Variants in PARN observed in about 807,000 individuals in gnomAD.
The protein encoded by PARN is poly(A)-specific ribonuclease.
In PARN, 71 loss-of-function variants were observed where a neutral mutation model predicts 102.8. The ratio of observed to expected loss-of-function variants is 0.69; its 90% confidence interval spans 0.57 to 0.84. The LOEUF is 0.84. PARN is among the 40% of genes least tolerant of loss of function. PARN has a pLI of 0.00. For synonymous variants in PARN, 261 were observed against 252.9 expected (o/e 1.03, Z -0.30); for missense variants, 782 against 760.9 (o/e 1.03, Z -0.33).
At chr16:14,594,681 A>G (rs1004161265) in intron 12 of PARN, among the ~76,000 whole-genome samples, 1 of 152,144 alleles carries the variant, frequency 6.6e-6, no homozygotes, top group African/African-American at 2.4e-5. Context: ...GCACCACTGC[A>G]CTCCAGCCTG....
chr16:14,601,213 G>A (rs1390896246), intron 11 of PARN, among the ~76,000 whole-genome samples: 1 of 152,100 alleles, frequency 6.6e-6, no homozygotes, highest in Non-Finnish European at 1.5e-5. Context: ...CAACCCAGGT[G>A]TCCACAAACA....
At chr16:14,532,172 T>C (rs973858250) in intron 21 of PARN, among the ~76,000 whole-genome samples, 3 of 149,390 alleles carry the variant, frequency 2.0e-5, no homozygotes, top group African/African-American at 7.3e-5. Flanking sequence ...ATTCAAACTC[T>C]GATTTTTTTT....
intron 18 of PARN, among the ~76,000 whole-genome samples, chr16:14,576,607 T>C (rs1469228541): frequency 2.0e-5 from 3 of 152,174 alleles, no homozygotes; most frequent in Admixed American, 1.3e-4. Flanking sequence ...TAACATTAAG[T>C]TTGGTTTTCA....
chr16:14,502,626 AG>A (rs1265897197), intron 21 of PARN, among the ~76,000 whole-genome samples: 1 of 152,260 alleles, frequency 6.6e-6, no homozygotes, highest in East Asian at 1.9e-4. Flanking sequence ...AGCCACATCA[AG>A]TACATTTGAA....
At chr16:14,579,559 G>C (rs1010005466) in intron 18 of PARN, among the ~76,000 whole-genome samples, 2 of 151,800 alleles carry the variant, frequency 1.3e-5, no homozygotes, top group Non-Finnish European at 2.9e-5. Context: ...AAAAGAGCAA[G>C]ACCGTGACTC....
chr16:14,615,172 G>A (rs1288772637), intron 6 of PARN, among the ~76,000 whole-genome samples: 3 of 152,114 alleles, frequency 2.0e-5, no homozygotes, highest in African/African-American at 7.2e-5. Context: ...TATCAACAAC[G>A]GCATGGGATG....
intron 12 of PARN, among the ~76,000 whole-genome samples, chr16:14,594,762 G>A (rs1970403167): frequency 6.6e-6 from 1 of 152,080 alleles, no homozygotes; most frequent in African/African-American, 2.4e-5. Flanking sequence ...ATAACCCAAA[G>A]GACCTTCAGT....
intron 21 of PARN, among the ~76,000 whole-genome samples, chr16:14,550,324 C>T (rs1410534478): frequency 6.6e-6 from 1 of 152,232 alleles, no homozygotes; most frequent in Non-Finnish European, 1.5e-5. Flanking sequence ...CCACCACTAT[C>T]CCTGGTGTCT....
At chr16:14,517,247 T>C (rs1046791552) in intron 21 of PARN, among the ~76,000 whole-genome samples, 2 of 152,326 alleles carry the variant, frequency 1.3e-5, no homozygotes, top group South Asian at 4.1e-4. Flanking sequence ...CTGCTTTGGC[T>C]GAAGGTATAT....
chr16:14,615,449 T>C (rs993039550), intron 6 of PARN, among the ~76,000 whole-genome samples: 2 of 152,202 alleles, frequency 1.3e-5, no homozygotes, highest in Non-Finnish European at 2.9e-5. Flanking sequence ...GAGTCAAGTA[T>C]GAGACGAATA....
chr16:14,541,886 T>G (rs1466429267), intron 21 of PARN, among the ~76,000 whole-genome samples: 1 of 152,186 alleles, frequency 6.6e-6, no homozygotes. Context: ...CCAATGAAAT[T>G]ACTCAATCCC....
intron 21 of PARN, among the ~76,000 whole-genome samples, chr16:14,544,521 G>C (rs1966864621): frequency 1.3e-5 from 2 of 152,196 alleles, no homozygotes; most frequent in Admixed American, 6.5e-5. Flanking sequence ...GTTGCAGTAA[G>C]CTGAGACCGC....
chr16:14,567,712 T>A (rs1968515111), intron 18 of PARN, among the ~76,000 whole-genome samples: 1 of 152,114 alleles, frequency 6.6e-6, no homozygotes, highest in African/African-American at 2.4e-5. Flanking sequence ...ACCAGGTGCT[T>A]CTGGGAAAGG....
At chr16:14,512,891 A>C (rs555405708) in intron 21 of PARN, among the ~76,000 whole-genome samples, 64 of 152,308 alleles carry the variant, frequency 4.2e-4, no homozygotes, top group Non-Finnish European at 7.6e-4. Context: ...TACAGCTCAA[A>C]TAAATGTTTC....
intron 21 of PARN, among the ~76,000 whole-genome samples, chr16:14,538,879 G>T (rs772247619): frequency 6.6e-6 from 1 of 152,028 alleles, no homozygotes; most frequent in East Asian, 1.9e-4. Flanking sequence ...TTAGATTCCC[G>T]TAAGAACATG....
intron 13 of PARN, among the ~76,000 whole-genome samples, chr16:14,591,339 C>T (rs1398091774): frequency 4.0e-5 from 6 of 151,064 alleles, no homozygotes; most frequent in Non-Finnish European, 7.4e-5. Context: ...TGCAGTGAGC[C>T]GAGATTGCAC....
chr16:14,630,137 G>C lies in PARN; in HGVS notation c.-12C>G. ...CTGATTATCTCCATTCTGCAGAGTGGCCGGAACCTTGGCCCCACCCGGGCC... is the reference window on the plus strand; with the variant it reads ...CTGATTATCTCCATTCTGCAGAGTGCCCGGAACCTTGGCCCCACCCGGGCC... On this transcript the variant is annotated 5_prime_UTR_variant, in exon 1 of 24. Coordinates refer to ENST00000437198, the MANE Select transcript of PARN (RefSeq NM_002582.4). 1 of 1,558,914 alleles carries C rather than the reference G, an allele frequency of 6.4e-7. No individual in the cohort carries two copies. Among genetic ancestry groups the C allele is most frequent in the Non-Finnish European group, 8.7e-7 (1 of 1,150,508 alleles).
At chr16:14,623,737 T>A (rs1230492579) in intron 5 of PARN, among the ~76,000 whole-genome samples, 1 of 149,916 alleles carries the variant, frequency 6.7e-6, no homozygotes, top group African/African-American at 2.5e-5. Flanking sequence ...CTCAGGAGGC[T>A]GAGACAAGAG....
intron 21 of PARN, among the ~76,000 whole-genome samples, chr16:14,487,616 C>T (rs139700513): frequency 5.3e-5 from 8 of 152,076 alleles, no homozygotes; most frequent in African/African-American, 1.9e-4. Context: ...AACTCATAGG[C>T]AGTGTGCCCA....
Sources: allele counts gnomAD v4.1 joint callset (sites outside exome capture counted in the v4.1 genomes callset), GRCh38; gene constraint gnomAD v4.1.1; transcripts MANE v1.5; gene names NCBI Gene and HGNC (gene_info 2026-07-23, HGNC 2026-07-21).